The following NDRG3 variants were observed in gnomAD, a reference collection of about 807,000 sequenced individuals.
NDRG3 encodes NDRG family member 3.
NDRG3 carries 23 observed loss-of-function variants against 57.2 expected under a neutral mutation model. That is an observed-to-expected ratio of 0.40 (90% CI 0.29 to 0.57). The LOEUF is 0.57. Among genes scored for constraint, NDRG3 ranks in the 20% least tolerant of loss-of-function variants. The pLI, the probability that NDRG3 is intolerant of heterozygous loss-of-function variation, is 0.42. For missense variants in NDRG3, 384 were observed against 457.3 expected (o/e 0.84, Z 1.46); for synonymous variants, 132 against 162.6 (o/e 0.81, Z 1.43).
At chr20:36,716,591 ATAACTTT>A (rs145420895) in intron 2 of NDRG3, among the ~76,000 whole-genome samples, 4,251 of 152,022 alleles carry the variant, frequency 0.028, 237 homozygotes, top group African/African-American at 0.098. Flanking sequence ...AACAAAGTAT[ATAACTTT>A]TTTCTGTTCT....
chr20:36,735,694 G>T (rs894688340), intron 1 of NDRG3, among the ~76,000 whole-genome samples: 4 of 152,024 alleles, frequency 2.6e-5, no homozygotes, highest in African/African-American at 9.7e-5. Context: ...GGTTGGGAAA[G>T]AAAGAATTAA....
At chr20:36,701,995 T>C (rs990178496) in intron 3 of NDRG3, among the ~76,000 whole-genome samples, 1 of 152,218 alleles carries the variant, frequency 6.6e-6, no homozygotes, top group Non-Finnish European at 1.5e-5. Context: ...TGACACGATC[T>C]GACTTGTCCC....
At chr20:36,714,443 C>CTT (rs775474273) in intron 2 of NDRG3, among the ~76,000 whole-genome samples, 1 of 124,820 alleles carries the variant, frequency 8.0e-6, no homozygotes, top group Non-Finnish European at 1.7e-5. Context: ...TCATTTTCTT[C>CTT]TTTTTTTTTT....
At chr20:36,691,446 G>C (rs139186025) in intron 3 of NDRG3, among the ~76,000 whole-genome samples, 1 of 152,206 alleles carries the variant, frequency 6.6e-6, no homozygotes, top group African/African-American at 2.4e-5. Flanking sequence ...AGGCGCGGTG[G>C]CTCATGCCTG....
intron 8 of NDRG3, among the ~76,000 whole-genome samples, chr20:36,672,585 G>T (rs8121868): frequency 0.057 from 8,646 of 152,224 alleles, 862 homozygotes; most frequent in African/African-American, 0.2. Flanking sequence ...TCCCAGCACT[G>T]TGGGAGGCCG....
chr20:36,707,075 A>C, intron 2 of NDRG3, 68 bp from the exon 3 acceptor site: 2 of 1,432,850 alleles, frequency 1.4e-6, no homozygotes, highest in African/African-American at 1.4e-5. Flanking sequence ...CAGCACATTC[A>C]GTTCACAGTG....
chr20:36,706,189 G>C (rs1339465335), intron 3 of NDRG3, among the ~76,000 whole-genome samples: 1 of 152,186 alleles, frequency 6.6e-6, no homozygotes, highest in African/African-American at 2.4e-5. Flanking sequence ...AAACACTAAT[G>C]AGTCAAGTTG....
At chr20:36,659,867 G>A (rs1349206625) in intron 13 of NDRG3, among the ~76,000 whole-genome samples, 1 of 151,384 alleles carries the variant, frequency 6.6e-6, no homozygotes, top group Non-Finnish European at 1.5e-5. Flanking sequence ...CCAAAGTGCT[G>A]AGATTACAGG....
chr20:36,715,002 GTGTGTATATATATATATATATA>G (rs1325893384), intron 2 of NDRG3, among the ~76,000 whole-genome samples: 2,481 of 39,578 alleles, frequency 0.063, 170 homozygotes, highest in African/African-American at 0.13. Context: ...GTGTGTGTGT[GTGTGTATATATATATATATATA>G]TATATATATA....
At chr20:36,730,328 C>T (rs1985204457) in intron 1 of NDRG3, among the ~76,000 whole-genome samples, 1 of 151,620 alleles carries the variant, frequency 6.6e-6, no homozygotes, top group African/African-American at 2.4e-5. Flanking sequence ...CATCTTAGCT[C>T]ACTGTAACCT....
At chr20:36,655,652 A>T (rs1978589433) in intron 15 of NDRG3, among the ~76,000 whole-genome samples, 1 of 152,210 alleles carries the variant, frequency 6.6e-6, no homozygotes, top group Admixed American at 6.5e-5. Context: ...AATGCAAATC[A>T]TAATTTCAGA....
At chr20:36,745,874 C>A (rs1272085447) in intron 1 of NDRG3, among the ~76,000 whole-genome samples, 171 bp downstream of exon 1, 1 of 73,250 alleles carries the variant, frequency 1.4e-5, no homozygotes, top group Non-Finnish European at 2.9e-5. Flanking sequence ...GTCCGGCGGG[C>A]GGGCGGGGCG....
chr20:36,660,288 A>C (rs1979053330), intron 13 of NDRG3, 49 bp downstream of exon 13: 1 of 1,353,652 alleles, frequency 7.4e-7, no homozygotes, highest in Admixed American at 2.0e-5. Flanking sequence ...AAATATGATT[A>C]ATCTGAAGCA....
chr20:36,733,146 CAAA>C (rs141850127), intron 1 of NDRG3, among the ~76,000 whole-genome samples: 336 of 38,366 alleles, frequency 8.8e-3, no homozygotes, highest in East Asian at 0.036. Flanking sequence ...GATCCTGTCT[CAAA>C]AAAAAAAAAA....
chr20:36,744,628 G>A (rs1352797511), intron 1 of NDRG3, among the ~76,000 whole-genome samples: 5 of 151,888 alleles, frequency 3.3e-5, no homozygotes, highest in African/African-American at 1.2e-4. Flanking sequence ...TGCTAAGGGA[G>A]AAAAACGACA....
chr20:36,715,632 A>T (rs1984230591), intron 2 of NDRG3, among the ~76,000 whole-genome samples: 1 of 149,166 alleles, frequency 6.7e-6, no homozygotes, highest in Non-Finnish European at 1.5e-5. Context: ...AGCGTGGGCA[A>T]CAAAGTGAGA....
At chr20:36,674,719 TC>T (rs1002114160) in intron 8 of NDRG3, among the ~76,000 whole-genome samples, 40 of 148,160 alleles carry the variant, frequency 2.7e-4, no homozygotes, top group African/African-American at 9.2e-4. Context: ...CCCTTCAGCC[TC>T]CCGAGTAGCT....
intron 3 of NDRG3, among the ~76,000 whole-genome samples, chr20:36,694,219 G>A (rs549705318): frequency 1.3e-5 from 2 of 152,154 alleles, no homozygotes; most frequent in Non-Finnish European, 2.9e-5. Context: ...GGGGAGGCAG[G>A]GGAGGCAGGC....
intron 3 of NDRG3, chr20:36,700,569 C>G: frequency 2.0e-6 from 1 of 494,858 alleles, no homozygotes; most frequent in Non-Finnish European, 4.1e-6. Flanking sequence ...CAGGGAGTAA[C>G]GTGCTGTTGC....
Sources: gnomAD v4.1 joint callset for allele counts (sites outside exome capture counted in the v4.1 genomes callset) on GRCh38, gnomAD v4.1.1 for gene constraint, MANE v1.5 for transcripts, NCBI Gene and HGNC (gene_info 2026-07-23, HGNC 2026-07-21) for gene names.